The following PRSS21 variants were observed in gnomAD, a reference collection of about 807,000 sequenced individuals.
PRSS21 encodes the protein serine protease 21.
Under a neutral mutation model 31.1 loss-of-function variants are expected in PRSS21, and 40 were observed. That is an observed-to-expected ratio of 1.29 (90% confidence interval 1.00 to 1.68). PRSS21 has a LOEUF of 1.68. Ranked by LOEUF, PRSS21 falls within the 40% of genes most tolerant of loss-of-function variation. The pLI, the probability that PRSS21 is intolerant of heterozygous loss-of-function variation, is 0.00. For synonymous variants in PRSS21, 186 were observed against 167.7 expected, an observed-to-expected ratio of 1.11 and a Z score of -0.84; for missense variants, 467 against 412.6, an observed-to-expected ratio of 1.13 and a Z score of -1.14.
chr16:2,818,819 T>G lies in PRSS21; in HGVS notation c.400T>G (p.Ser134Ala), dbSNP rs768835175. The G allele has an allele frequency of 8.7e-6, 14 of 1,613,786 alleles. No individual in the cohort carries two copies. Residue 134 changes from serine to alanine, a missense_variant, in exon 4 of 6, where the codon TCA (serine) becomes GCA (alanine). Transcript: ENST00000005995. ...IYLSPRYLGN[S>A]PYDIALVKLS... ...TCTGAGCCCTCGCTACCTGGGGAAT[T>G]CACCCTATGACATTGCCTTGGTGAA...
chr16:2,817,315 C>G lies in PRSS21; in HGVS notation c.47C>G (p.Ala16Gly), dbSNP rs759444976. ...ALLLALLLAR[A>G]GLRKPESQEA... The stretch of plus-strand genomic sequence containing the variant: ...CTGCTGGCGCTGCTGCTGGCTCGGG[C>G]TGGACTCAGGAAGCCGGGTGAGCTC... The change falls in exon 1 of 6, where the codon GCT becomes GGT. Residue 16 changes from alanine to glycine, a missense_variant. Ala to Gly is a moderately conservative substitution (Grantham distance 60). Coordinates refer to ENST00000005995, the MANE Select transcript of PRSS21 (RefSeq NM_006799.4). This position sits in a 1 kb window ranked among gnomAD's most constrained non-coding sequence, Gnocchi z 4.2. 1.5e-5 allele frequency: 23 copies of G among 1,545,468 alleles called. No individual in the cohort carries two copies. The highest frequency in any genetic ancestry group is 3.8e-5 in the Admixed American group (2 of 52,256).
chr16:2,820,683 C>T (rs1231206143), intron 4 of PRSS21, among the ~76,000 whole-genome samples: 1 of 152,354 alleles, frequency 6.6e-6, no homozygotes, highest in East Asian at 1.9e-4. Context: ...TGAGGAATCT[C>T]TCCATGGCTG....
intron 5 of PRSS21, 69 bp from the exon 6 acceptor site, chr16:2,821,297 C>A (rs2150813343): frequency 2.5e-6 from 4 of 1,587,772 alleles, no homozygotes; most frequent in African/African-American, 1.3e-5. Context: ...CATAGCCCTT[C>A]CCACTCTCAG....
rs1215922112 is a variant in PRSS21, at chr16:2,818,684, G to T, written c.265G>T (p.Asp89Tyr). 2.5e-6 allele frequency: 4 copies of T among 1,613,830 alleles called. No individual in the cohort carries two copies. Among genetic ancestry groups the T allele is most frequent in the South Asian group, 2.2e-5 (2 of 91,044 alleles). The stretch of plus-strand genomic sequence containing the variant: ...TCTCTTCTCTTCTGCCAGCTATAGT[G>T]ACCTTAGTGATCCCTCCGGGTGGAT... ...TAAHCFETYSDLSDPSGWMVQ... is the reference protein window; with the variant it reads ...TAAHCFETYSYLSDPSGWMVQ... The change falls in exon 4 of 6, where the codon GAC (aspartate) becomes TAC (tyrosine). Residue 89 changes from aspartate (D) to tyrosine (Y), a missense_variant. Transcript: ENST00000005995.
At chr16:2,820,648 C>T (rs1308602617) in intron 4 of PRSS21, among the ~76,000 whole-genome samples, 3 of 152,188 alleles carry the variant, frequency 2.0e-5, no homozygotes, top group South Asian at 2.1e-4. Flanking sequence ...CAGCTGCCTT[C>T]GCCCCTCCCT....
At chr16:2,819,709 C>T (rs532694311) in intron 4 of PRSS21, among the ~76,000 whole-genome samples, 4 of 152,362 alleles carry the variant, frequency 2.6e-5, no homozygotes, top group African/African-American at 7.2e-5. Flanking sequence ...GTGAGCCAGG[C>T]GCGGCCTCTC....
chr16:2,818,079 G>A (rs995319389), intron 3 of PRSS21, 113 bp downstream of exon 3: 69 of 1,321,430 alleles, frequency 5.2e-5, no homozygotes, highest in Middle Eastern at 2.6e-4. Context: ...AAAGTTGTGC[G>A]TGGATGCGGC....
In PRSS21 at chr16:2,817,368, G is replaced by C. The variant is rs745639661; in HGVS notation, c.64+36G>C. 6.3e-7 allele frequency: 1 copy of C among 1,577,954 alleles called. No homozygotes were observed. Among genetic ancestry groups the C allele is most frequent in the East Asian group, 2.3e-5 (1 of 43,572 alleles). On this transcript the variant is annotated intron_variant, in intron 1 of 5. Coordinates refer to ENST00000005995, the MANE Select transcript of PRSS21 (RefSeq NM_006799.4). This position sits in a 1 kb window ranked among gnomAD's most constrained non-coding sequence, Gnocchi z 4.2. ...GGCGCTGCTGGCGGGATGGGGAGGC[G>C]GGGGAGCGGTGGGGAGGACGGGAGG...
At chr16:2,821,330 C>G in intron 5 of PRSS21, 36 bp from the exon 6 acceptor site, 1 of 1,609,958 alleles carries the variant, frequency 6.2e-7, no homozygotes, top group Non-Finnish European at 8.5e-7. Flanking sequence ...CCCACTCACT[C>G]TGCCCCAGGC....
intron 4 of PRSS21, 139 bp downstream of exon 4, chr16:2,819,108 C>G: frequency 2.0e-6 from 2 of 995,780 alleles, no homozygotes; most frequent in East Asian, 5.2e-5. Context: ...CCTGCCAGGG[C>G]AGGGACCAAA....
chr16:2,817,623 G>C lies in PRSS21; in HGVS notation c.91+167G>C. The stretch of plus-strand genomic sequence containing the variant: ...TAACGGACGCTGGAGGGGGATGGGC[G>C]GGCCCTGCAGAGCACGTGGGAGGAT... On this transcript the variant is annotated intron_variant, in intron 2 of 5. Transcript: ENST00000005995. This position sits in a 1 kb window ranked among gnomAD's most constrained non-coding sequence, Gnocchi z 4.2. 7.9e-7 allele frequency: 1 copy of C among 1,265,126 alleles called. No individual in the cohort carries two copies. Among genetic ancestry groups the C allele is most frequent in the Non-Finnish European group, 1.1e-6 (1 of 931,156 alleles). 78.4% of individuals were successfully genotyped at this position (1,265,126 alleles called of 1,614,324 possible).
At position 2,818,800 on chromosome 16, in the gene PRSS21, C is replaced by A. The variant is rs139649089; in HGVS notation, c.381C>A (p.Ser127Arg). 1.2e-6 allele frequency: 2 copies of A among 1,613,442 alleles called. No homozygotes were observed. The highest frequency in any genetic ancestry group is 2.7e-5 in the African/African-American group (2 of 74,916). ...TRYFVSNIYL[S>R]PRYLGNSPYD... Reference sequence around the variant, plus strand: ...ACTTCGTATCGAATATCTATCTGAGCCCTCGCTACCTGGGGAATTCACCCT... The same window carrying A: ...ACTTCGTATCGAATATCTATCTGAGACCTCGCTACCTGGGGAATTCACCCT... Residue 127 changes from serine (S) to arginine (R), a missense_variant, in exon 4 of 6, where the codon AGC becomes AGA. Coordinates refer to ENST00000005995, the MANE Select transcript of PRSS21 (RefSeq NM_006799.4).
In PRSS21 at chr16:2,821,110, G is replaced by A. The variant is rs141334412; in HGVS notation, c.705+1G>A. 1.4e-5 allele frequency: 23 copies of A among 1,613,694 alleles called. No homozygotes were observed. Among genetic ancestry groups the A allele is most frequent in the Middle Eastern group, 1.6e-4 (1 of 6,082 alleles). On this transcript the variant is annotated splice_donor_variant, in intron 5 of 5. Transcript: ENST00000005995. LOFTEE classifies it high-confidence loss of function. ...CCAAGGCGGGAAGGATGCCTGCTTC[G>A]TGAGTGTCCTTGCCACCACTCCCAG...
At position 2,817,445 on chromosome 16, in the gene PRSS21, C is replaced by G; in HGVS notation, c.80C>G (p.Ala27Gly). The G allele has an allele frequency of 6.4e-7, 1 of 1,568,720 alleles. No homozygotes were observed. The highest frequency in any genetic ancestry group is 8.6e-7 in the Non-Finnish European group (1 of 1,161,606). ...TCTCCCGCAGAGTCGCAGGAGGCGG[C>G]GCCGTTATCAGGTAGGGCGCCCAGG... is the stretch of plus-strand genomic sequence containing the variant. ...GLRKPESQEA[A>G]PLSGPCGRRV... The change falls in exon 2 of 6, where the codon GCG becomes GGG. Residue 27 changes from alanine to glycine, a missense_variant. Physicochemically the swap from Ala to Gly is moderately conservative, Grantham distance 60. Coordinates refer to ENST00000005995, the MANE Select transcript of PRSS21 (RefSeq NM_006799.4). The surrounding 1 kb of genome is among the most constrained non-coding windows in gnomAD (Gnocchi z 4.2).
chr16:2,817,662 T>C lies in PRSS21; in HGVS notation c.92-139T>C. The C allele has an allele frequency of 7.8e-7, 1 of 1,289,566 alleles. No individual in the cohort carries two copies. The highest frequency in any genetic ancestry group is 1.1e-6 in the Non-Finnish European group (1 of 947,490). 79.9% of individuals were successfully genotyped at this position (1,289,566 alleles called of 1,614,324 possible). A position where few individuals can be genotyped will look rare whatever the true frequency, so the allele number is the denominator to read the frequency against. On this transcript the variant is annotated intron_variant, in intron 2 of 5. Transcript: ENST00000005995. This position sits in a 1 kb window ranked among gnomAD's most constrained non-coding sequence, Gnocchi z 4.2. ...ACGTGGGAGGATCTCCAGTGTCACCTACTTCCTGCTGCACACACGCGAGGG... is the reference window on the plus strand; with the variant it reads ...ACGTGGGAGGATCTCCAGTGTCACCCACTTCCTGCTGCACACACGCGAGGG...
In PRSS21 at chr16:2,817,281, G is replaced by T; in HGVS notation, c.13G>T (p.Gly5Trp). The T allele has an allele frequency of 2.6e-6, 4 of 1,535,962 alleles. No homozygotes were observed. The highest frequency in any genetic ancestry group is 3.5e-6 in the Non-Finnish European group (4 of 1,144,850). The change falls in exon 1 of 6, where the codon GGG (glycine) becomes TGG (tryptophan). Residue 5 changes from glycine to tryptophan, a missense_variant. Gly to Trp is a radical substitution (Grantham distance 184). Transcript: ENST00000005995. This position sits in a 1 kb window ranked among gnomAD's most constrained non-coding sequence, Gnocchi z 4.2. The stretch of plus-strand genomic sequence containing the variant: ...GGGAGAGGAGGCCATGGGCGCGCGC[G>T]GGGCGCTGCTGCTGGCGCTGCTGCT... The part of the protein sequence containing the change: MGAR[G>W]ALLLALLLAR...
At position 2,817,797 on chromosome 16, in the gene PRSS21, C is replaced by G. The variant is rs1380786451; in HGVS notation, c.92-4C>G. 1.9e-6 allele frequency: 3 copies of G among 1,549,232 alleles called. No individual in the cohort carries two copies. The highest frequency in any genetic ancestry group is 2.6e-6 in the Non-Finnish European group (3 of 1,146,694). ...CGGCTCAGCAGTTCCTCTGACCATC[C>G]GAGGACCATGCGGCCGACGGGTCAT... On this transcript the variant is annotated splice_region_variant and splice_polypyrimidine_tract_variant and intron_variant, in intron 2 of 5. Transcript: ENST00000005995. The surrounding 1 kb of genome is among the most constrained non-coding windows in gnomAD (Gnocchi z 4.2).
At chr16:2,819,888 TG>T (rs2069142297) in intron 4 of PRSS21, among the ~76,000 whole-genome samples, 1 of 152,174 alleles carries the variant, frequency 6.6e-6, no homozygotes, top group Non-Finnish European at 1.5e-5. Context: ...CCCCGGCAGT[TG>T]GGAGTGGGGA....
At position 2,818,675 on chromosome 16, in the gene PRSS21, A is replaced by G; in HGVS notation, c.258-2A>G. On this transcript the variant is annotated splice_acceptor_variant, in intron 3 of 5. Coordinates refer to ENST00000005995, the MANE Select transcript of PRSS21 (RefSeq NM_006799.4). LOFTEE classifies it high-confidence loss of function. ...CCTGACTGCTCTCTTCTCTTCTGCC[A>G]GCTATAGTGACCTTAGTGATCCCTC... 6.2e-7 allele frequency: 1 copy of G among 1,613,492 alleles called. No homozygotes were observed. The highest frequency in any genetic ancestry group is 8.5e-7 in the Non-Finnish European group (1 of 1,179,470).
Sources: allele counts gnomAD v4.1 joint callset (sites outside exome capture counted in the v4.1 genomes callset), GRCh38; gene constraint gnomAD v4.1.1; non-coding constraint Gnocchi (gnomAD v3.1); transcripts MANE v1.5; gene names NCBI Gene and HGNC (gene_info 2026-07-23, HGNC 2026-07-21).